NELL1: variants seen among roughly 807,000 people sequenced by gnomAD.
NELL1 encodes the protein protein kinase C-binding protein NELL1.
Under a neutral mutation model 107.4 loss-of-function variants are expected in NELL1, and 76 were observed. That is an observed-to-expected ratio of 0.71 (90% CI 0.59 to 0.86). The LOEUF is 0.86. Among genes scored for constraint, NELL1 ranks in the 40% least tolerant of loss-of-function variants. NELL1 has a pLI of 0.00. For missense variants in NELL1, 1,024 were observed against 1,005.5 expected (o/e 1.02, Z -0.25); for synonymous variants, 353 against 341.2 (o/e 1.03, Z -0.38).
chr11:20,901,992 C>T (rs1180836048), intron 5 of NELL1, among the ~76,000 whole-genome samples: 2 of 151,620 alleles, frequency 1.3e-5, no homozygotes, highest in South Asian at 4.2e-4. Context: ...ATACCTGGAC[C>T]CCATACATAA....
Position 21,336,674 on chromosome 11 carries a change from T to TACACACACACAC in NELL1, c.1550-34173_1550-34162dup, listed in dbSNP as rs1555005791. On this transcript the variant is annotated intron_variant, in intron 14 of 19. Coordinates refer to ENST00000357134, the MANE Select transcript of NELL1 (RefSeq NM_006157.5). ...GTGTATATATATATATATATATATA[T>TACACACACACAC]ACACACACACACACACATTAAACAG... 5.9e-4 allele frequency among the ~76,000 whole-genome samples: 77 copies of TACACACACACAC among 130,528 alleles called. 2 individuals carry two copies. Among genetic ancestry groups the TACACACACACAC allele is most frequent in the Admixed American group, 5.2e-3 (65 of 12,386 alleles). The allele number at this position is 130,528 out of a possible 152,430, so 85.6% of individuals were successfully genotyped here.
chr11:21,138,938 C>T (rs1193546626), intron 13 of NELL1, among the ~76,000 whole-genome samples: 2 of 152,140 alleles, frequency 1.3e-5, no homozygotes, highest in Non-Finnish European at 2.9e-5. Flanking sequence ...ATATCTGACT[C>T]TATTTTAGTT....
At chr11:21,337,672 C>T (rs1850437857) in intron 14 of NELL1, among the ~76,000 whole-genome samples, 1 of 152,146 alleles carries the variant, frequency 6.6e-6, no homozygotes, top group Non-Finnish European at 1.5e-5. Context: ...CGAATTATTT[C>T]TACCCTCCTT....
chr11:21,374,877 C>CTGTGTGTG lies in NELL1; in HGVS notation c.1645+3931_1645+3938dup, dbSNP rs1237241848. Among the ~76,000 whole-genome samples the CTGTGTGTG allele has an allele frequency of 3.4e-4, 31 of 89,894 alleles. No homozygotes were observed. The South Asian group carries it at 0.014, about 42-fold the overall frequency. The allele number at this position is 89,894 out of a possible 152,430, so 59.0% of individuals were successfully genotyped here. On this transcript the variant is annotated intron_variant, in intron 15 of 19. Coordinates refer to ENST00000357134, the MANE Select transcript of NELL1 (RefSeq NM_006157.5). ...CAGCTACCAGGCTGTGTGGAACTGA[C>CTGTGTGTG]TGTGTGTGTCTGTGTGTGTGTGTGT...
At chr11:20,691,226 C>A (rs190032930) in intron 2 of NELL1, among the ~76,000 whole-genome samples, 128 of 152,152 alleles carry the variant, frequency 8.4e-4, no homozygotes, top group African/African-American at 2.9e-3. Flanking sequence ...ATGTCATCTG[C>A]AAACAGGGAA....
At chr11:21,508,445 A>G (rs1305849886) in intron 15 of NELL1, among the ~76,000 whole-genome samples, 1 of 152,168 alleles carries the variant, frequency 6.6e-6, no homozygotes, top group Non-Finnish European at 1.5e-5. Context: ...AACAATGAGG[A>G]AATGTATATT....
intron 15 of NELL1, among the ~76,000 whole-genome samples, chr11:21,483,085 G>A (rs1363587699): frequency 6.6e-6 from 1 of 151,954 alleles, no homozygotes; most frequent in African/African-American, 2.4e-5. Context: ...AATAGTATAA[G>A]AGTGCCTGGC....
At chr11:21,243,680 A>G (rs146650214) in intron 14 of NELL1, among the ~76,000 whole-genome samples, 7 of 152,268 alleles carry the variant, frequency 4.6e-5, no homozygotes, top group African/African-American at 1.4e-4. Flanking sequence ...TGTGAACCAC[A>G]TATGTGATTT....
intron 17 of NELL1, among the ~76,000 whole-genome samples, chr11:21,565,301 T>A (rs1856944467): frequency 1.3e-5 from 2 of 151,870 alleles, no homozygotes; most frequent in South Asian, 4.1e-4. Context: ...CTCTTTCTAT[T>A]TCCCTGACTC....
chr11:21,574,826 T>C, intron 19 of NELL1, 146 bp from the exon 20 acceptor site: 1 of 650,422 alleles, frequency 1.5e-6, no homozygotes, highest in Non-Finnish European at 2.7e-6. Flanking sequence ...TCTAGTTTTT[T>C]TCCTAGCATT....
chr11:21,196,883 C>CTTTTTTTT (rs200792090), intron 13 of NELL1, among the ~76,000 whole-genome samples: 1 of 136,282 alleles, frequency 7.3e-6, no homozygotes, highest in African/African-American at 2.7e-5. Flanking sequence ...CTTTTCTTTT[C>CTTTTTTTT]TTTTTTTTTT....
chr11:20,766,971 T>G (rs1479111562), intron 2 of NELL1, among the ~76,000 whole-genome samples: 1 of 152,202 alleles, frequency 6.6e-6, no homozygotes, highest in Non-Finnish European at 1.5e-5. Flanking sequence ...CTTGAACTCC[T>G]GGCCTCAAGT....
In NELL1 at chr11:20,705,600, C is replaced by T. The variant is rs966474343; in HGVS notation, c.184+27540C>T. Among the ~76,000 whole-genome samples the T allele has an allele frequency of 2.8e-5, 4 of 142,066 alleles. No homozygotes were observed. The East Asian group carries it at 7.7e-4, about 27-fold the overall frequency. The allele number at this position is 142,066 out of a possible 152,430, so 93.2% of individuals were successfully genotyped here. ...TAGGCAATACCATTCAGGACATAGG[C>T]GTGGGCAAGGACTTCCTGTCTAAAA... On this transcript the variant is annotated intron_variant, in intron 2 of 19. Transcript: ENST00000357134.
In NELL1 at chr11:20,965,686, A is replaced by G. The variant is rs1304306649; in HGVS notation, c.1300+5126A>G. Among the ~76,000 whole-genome samples the G allele has an allele frequency of 2.0e-5, 3 of 152,226 alleles. No individual in the cohort carries two copies. The East Asian group carries it at 5.8e-4, about 29-fold the overall frequency. The stretch of plus-strand genomic sequence containing the variant: ...ATGTAACAAAACTGACATGTCTGAA[A>G]CAGAGCAGCTGATTAGCAAGGTGAT... On this transcript the variant is annotated intron_variant, in intron 12 of 19. Coordinates refer to ENST00000357134, the MANE Select transcript of NELL1 (RefSeq NM_006157.5).
intron 2 of NELL1, among the ~76,000 whole-genome samples, chr11:20,759,494 T>C (rs1226076325): frequency 1.3e-5 from 2 of 152,232 alleles, no homozygotes; most frequent in Admixed American, 6.5e-5. Flanking sequence ...AAACATCTAT[T>C]CTTGCATCAT....
intron 14 of NELL1, among the ~76,000 whole-genome samples, chr11:21,248,885 A>G (rs1038894502): frequency 6.6e-6 from 1 of 152,180 alleles, no homozygotes; most frequent in African/African-American, 2.4e-5. Context: ...ATATTGGACA[A>G]TGAGTCTCAT....
chr11:21,445,369 C>T (rs1433015370), intron 15 of NELL1, among the ~76,000 whole-genome samples: 1 of 132,456 alleles, frequency 7.5e-6, no homozygotes, highest in African/African-American at 2.5e-5. Context: ...TCTTGCTGCC[C>T]AGGCTGGAGT....
chr11:20,821,033 A>G (rs1376581943), intron 3 of NELL1, among the ~76,000 whole-genome samples: 5 of 152,218 alleles, frequency 3.3e-5, no homozygotes, highest in Non-Finnish European at 7.3e-5. Flanking sequence ...TGCCCCATCA[A>G]TATTTGCCCT....
chr11:21,469,305 G>C (rs1854116224), intron 15 of NELL1, among the ~76,000 whole-genome samples: 1 of 151,922 alleles, frequency 6.6e-6, no homozygotes, highest in African/African-American at 2.4e-5. Context: ...TTGCTTCTCT[G>C]GTGGATTTTG....
Sources: gnomAD v4.1 joint callset for allele counts (sites outside exome capture counted in the v4.1 genomes callset) on GRCh38, gnomAD v4.1.1 for gene constraint, MANE v1.5 for transcripts, NCBI Gene and HGNC (gene_info 2026-07-23, HGNC 2026-07-21) for gene names.